The following ALDH1A3 variants were observed in gnomAD, a reference collection of about 807,000 sequenced individuals.
The protein encoded by ALDH1A3 is aldehyde dehydrogenase 1 family member A3.
A neutral mutation model predicts 57.5 loss-of-function variants in ALDH1A3; 28 were observed. That is an observed-to-expected ratio of 0.49 (90% CI 0.36 to 0.67). The LOEUF is 0.67. ALDH1A3 is among the 30% of genes least tolerant of loss of function. The pLI, the probability that ALDH1A3 is intolerant of heterozygous loss-of-function variation, is 0.00. For synonymous variants in ALDH1A3, 281 were observed against 264.8 expected (o/e 1.06, Z -0.59); for missense variants, 507 against 669.4 (o/e 0.76, Z 2.68).
chr15:100,911,730 G>C (rs2041885247), intron 12 of ALDH1A3, among the ~76,000 whole-genome samples: 1 of 152,170 alleles, frequency 6.6e-6, no homozygotes, highest in Admixed American at 6.5e-5. Context: ...TGTCCCACTG[G>C]GTTGAATAAG....
At chr15:100,883,302 A>C (rs1000178505) in intron 1 of ALDH1A3, among the ~76,000 whole-genome samples, 1 of 152,040 alleles carries the variant, frequency 6.6e-6, no homozygotes, top group South Asian at 2.1e-4. Context: ...CACTAACTTA[A>C]CTCTTCTTCC....
chr15:100,887,713 G>T lies in ALDH1A3; in HGVS notation c.345+1G>T. 6.3e-7 allele frequency: 1 copy of T among 1,596,230 alleles called. No homozygotes were observed. Among genetic ancestry groups the T allele is most frequent in the Non-Finnish European group, 8.5e-7 (1 of 1,169,994 alleles). On this transcript the variant is annotated splice_donor_variant, in intron 3 of 12. Coordinates refer to ENST00000329841, the MANE Select transcript of ALDH1A3 (RefSeq NM_000693.4). LOFTEE classifies it high-confidence loss of function. This position sits in a 1 kb window ranked among gnomAD's most constrained non-coding sequence, Gnocchi z 4.6. ...GGAGAGGGACCGCGCCACCTTGGCC[G>T]TGAGTACATGCACTTGGGGGCCGGT...
rs1414528596 is a variant in ALDH1A3, at chr15:100,914,862, T to G, written c.*89T>G. Reference sequence around the variant, plus strand: ...AGGAAAAAAATGACATTTCTGACCTTCCCGGGACACATTCTTCTGGAGGCT... The same window carrying G: ...AGGAAAAAAATGACATTTCTGACCTGCCCGGGACACATTCTTCTGGAGGCT... On this transcript the variant is annotated 3_prime_UTR_variant, in exon 13 of 13. Coordinates refer to ENST00000329841, the MANE Select transcript of ALDH1A3 (RefSeq NM_000693.4). The G allele has an allele frequency of 8.2e-7, 1 of 1,213,336 alleles. No individual in the cohort carries two copies. The highest frequency in any genetic ancestry group is 1.2e-6 in the Non-Finnish European group (1 of 845,048). 75.2% of individuals were successfully genotyped at this position (1,213,336 alleles called of 1,614,324 possible). A position where few individuals can be genotyped will look rare whatever the true frequency, so the allele number is the denominator to read the frequency against.
At chr15:100,911,340 C>T (rs1410573500) in intron 12 of ALDH1A3, among the ~76,000 whole-genome samples, 2 of 152,240 alleles carry the variant, frequency 1.3e-5, no homozygotes, top group Non-Finnish European at 2.9e-5. Context: ...GTGCGGGTCT[C>T]AGGATGGAGC....
At chr15:100,896,543 T>C (rs553440317) in intron 7 of ALDH1A3, among the ~76,000 whole-genome samples, 119 of 152,330 alleles carry the variant, frequency 7.8e-4, no homozygotes, top group South Asian at 6.0e-3. Context: ...AATCAGACTT[T>C]CCTTTTGCCT....
chr15:100,912,763 T>C (rs570337617), intron 12 of ALDH1A3, among the ~76,000 whole-genome samples: 1 of 152,318 alleles, frequency 6.6e-6, no homozygotes, highest in East Asian at 1.9e-4. Context: ...GTTGATGAAG[T>C]TGAGGCTCAG....
At chr15:100,888,868 T>C (rs1432572725) in intron 3 of ALDH1A3, 2 of 152,228 alleles carry the variant, frequency 1.3e-5, no homozygotes, top group East Asian at 3.8e-4. Context: ...ATAGCAGTTA[T>C]CATAATGAGG....
chr15:100,908,557 G>C, intron 12 of ALDH1A3, 75 bp downstream of exon 12: 2 of 1,323,684 alleles, frequency 1.5e-6, no homozygotes, highest in Non-Finnish European at 2.2e-6. Context: ...AGTGACACAG[G>C]CTCCAATCTG....
rs2041629443 is a variant in ALDH1A3 at position 100,889,630 on chromosome 15, C to G, written c.345+1918C>G. On this transcript the variant is annotated intron_variant, in intron 3 of 12. Coordinates refer to ENST00000329841, the MANE Select transcript of ALDH1A3 (RefSeq NM_000693.4). The surrounding 1 kb of genome is among the most constrained non-coding windows in gnomAD (Gnocchi z 5.1). ...GGCTAGAGAGGATGTGCCCTGGGCA[C>G]CCCCCGCCCTGAACCCTGTCCTTAA... 6.6e-6 allele frequency among the ~76,000 whole-genome samples: 1 copy of G among 152,182 alleles called. No homozygotes were observed. Among genetic ancestry groups the G allele is most frequent in the Non-Finnish European group, 1.5e-5 (1 of 68,040 alleles).
At chr15:100,880,372 C>G (rs1181012091) in intron 1 of ALDH1A3, 2 of 372,574 alleles carry the variant, frequency 5.4e-6, no homozygotes, top group African/African-American at 4.2e-5. Flanking sequence ...TTGGGGAGCT[C>G]CCTCCCCAAA....
intron 7 of ALDH1A3, among the ~76,000 whole-genome samples, chr15:100,897,530 G>A (rs1812266707): frequency 1.3e-5 from 2 of 152,266 alleles, no homozygotes; most frequent in African/African-American, 2.4e-5. Context: ...GTCTGCGGCA[G>A]CCTCAGTCTT....
rs2041755414 is a variant in ALDH1A3, at chr15:100,900,507, C to A, written c.884-68C>A. The stretch of plus-strand genomic sequence containing the variant: ...GGGCAATTAGAATTGCAGCTGTCAC[C>A]AGTCCTGCTTTAACAACTTAATCGC... On this transcript the variant is annotated intron_variant, in intron 8 of 12. Coordinates refer to ENST00000329841, the MANE Select transcript of ALDH1A3 (RefSeq NM_000693.4). The A allele has an allele frequency of 5.7e-6, 8 of 1,412,854 alleles. No individual in the cohort carries two copies. The South Asian group carries it at 1.0e-4, about 18-fold the overall frequency. 87.5% of individuals were successfully genotyped at this position (1,412,854 alleles called of 1,614,324 possible).
Position 100,905,596 on chromosome 15 carries a change from G to T in ALDH1A3, c.1142G>T (p.Cys381Phe). The change falls in exon 10 of 13, where the codon TGC becomes TTC. Residue 381 changes from cysteine to phenylalanine, a missense_variant. Around this residue, in one of 2 missense-constraint regions of ALDH1A3, gnomAD observed 432 missense variants for 608.4 expected, o/e 0.71. Transcript: ENST00000329841. Reference sequence around the variant, plus strand: ...AAGAAGGAAGGGGCCAAGCTGGAATGCGGGGGCTCAGCCATGGAAGACAAG... The same window carrying T: ...AAGAAGGAAGGGGCCAAGCTGGAATTCGGGGGCTCAGCCATGGAAGACAAG... ...SGKKEGAKLE[C>F]GGSAMEDKGL... 2.5e-6 allele frequency: 4 copies of T among 1,614,100 alleles called. No individual in the cohort carries two copies.
chr15:100,886,983 C>T (rs752606587), intron 2 of ALDH1A3, among the ~76,000 whole-genome samples: 32 of 152,324 alleles, frequency 2.1e-4, no homozygotes, highest in Middle Eastern at 3.4e-3. Flanking sequence ...GGCTCGTGTG[C>T]GTTCACACTG....
At position 100,908,484 on chromosome 15, in the gene ALDH1A3, T is replaced by A; in HGVS notation, c.1466+2T>A. 1 of 1,610,364 alleles carries A rather than the reference T, an allele frequency of 6.2e-7. No individual in the cohort carries two copies. Among genetic ancestry groups the A allele is most frequent in the Non-Finnish European group, 8.5e-7 (1 of 1,176,608 alleles). ...AATGTCAGGAAATGGCAGAGAACTG[T>A]AAGTGTTTCCATCATTCTGAGCCTG... On this transcript the variant is annotated splice_donor_variant, in intron 12 of 12. Coordinates refer to ENST00000329841, the MANE Select transcript of ALDH1A3 (RefSeq NM_000693.4). LOFTEE classifies it high-confidence loss of function.
At chr15:100,905,485 A>G (rs1402159796) in intron 9 of ALDH1A3, 38 bp from the exon 10 acceptor site, 1 of 1,613,830 alleles carries the variant, frequency 6.2e-7, no homozygotes, top group East Asian at 2.2e-5. Context: ...CACTGCCCAG[A>G]AGGAAGCCAG....
At chr15:100,890,182 CGTT>C (rs1241162806) in intron 3 of ALDH1A3, among the ~76,000 whole-genome samples, 4 of 152,200 alleles carry the variant, frequency 2.6e-5, no homozygotes, top group Admixed American at 2.0e-4. Context: ...TGGGTCCTCT[CGTT>C]GTAAGCCCTG....
At chr15:100,886,529 C>G (rs2041596398) in intron 2 of ALDH1A3, among the ~76,000 whole-genome samples, 1 of 152,230 alleles carries the variant, frequency 6.6e-6, no homozygotes, top group Non-Finnish European at 1.5e-5. Context: ...CCCTGCCAAG[C>G]TTCTGCTCAC....
rs1567174321 is a variant in ALDH1A3 at position 100,908,498 on chromosome 15, A to T, written c.1466+16A>T. 1 of 1,602,298 alleles carries T rather than the reference A, an allele frequency of 6.2e-7. No individual in the cohort carries two copies. The highest frequency in any genetic ancestry group is 8.6e-7 in the Non-Finnish European group (1 of 1,169,380). On this transcript the variant is annotated intron_variant, in intron 12 of 12. Transcript: ENST00000329841. ...GCAGAGAACTGTAAGTGTTTCCATC[A>T]TTCTGAGCCTGCCGTGGGCTGAACA...
Sources: gnomAD v4.1 joint callset for allele counts (sites outside exome capture counted in the v4.1 genomes callset) on GRCh38, gnomAD v4.1.1 for gene constraint, gnomAD v4.1.1 regional missense constraint, Gnocchi (gnomAD v3.1) non-coding constraint, MANE v1.5 for transcripts, NCBI Gene and HGNC (gene_info 2026-07-23, HGNC 2026-07-21) for gene names.